NANOS3: variants seen among roughly 807,000 people sequenced by gnomAD.
The protein encoded by NANOS3 is nanos homolog 3.
Under a neutral mutation model 13.8 loss-of-function variants are expected in NANOS3, and 11 were observed. The ratio of observed to expected loss-of-function variants is 0.80; its 90% CI spans 0.50 to 1.32. The LOEUF (loss-of-function observed/expected upper bound fraction) is 1.32, where lower values mean the gene tolerates loss of function less well. Ranked by LOEUF, NANOS3 falls within the 40% of genes most tolerant of loss-of-function variation. NANOS3 has a pLI of 0.00. For missense variants in NANOS3, 221 were observed against 263.8 expected, an observed-to-expected ratio of 0.84 and a Z score of 1.12; for synonymous variants, 119 against 115.4, an observed-to-expected ratio of 1.03 and a Z score of -0.20.
At chr19:13,872,092 G>A (rs542745209) in intron 1 of NANOS3, among the ~76,000 whole-genome samples, 3 of 150,300 alleles carry the variant, frequency 2.0e-5, no homozygotes, top group Non-Finnish European at 3.0e-5. Context: ...CCACTGCTGG[G>A]TGCCGTGGTT....
At chr19:13,874,802 C>A (rs1340837236), upstream of NANOS3, 1 of 533,192 alleles carries the variant, frequency 1.9e-6, no homozygotes, top group African/African-American at 1.9e-5. Flanking sequence ...CCTGGAATTG[C>A]CATCCTCCTG....
chr19:13,869,776 A>ACG lies in NANOS3; in HGVS notation n.21+4340_21+4341insGC, dbSNP rs370648152. The stretch of plus-strand genomic sequence containing the variant: ...AGTACACACACACACACACGCACGC[A>ACG]CACACACACACACACGCACACACAT... On this transcript the variant is annotated intron_variant and non_coding_transcript_variant, in intron 1 of 2. Transcript: ENST00000591161. 2.0e-3 allele frequency among the ~76,000 whole-genome samples: 291 copies of ACG among 148,472 alleles called. 1 individual carries two copies. The highest frequency in any genetic ancestry group is 6.8e-3 in the African/African-American group (274 of 40,528).
At chr19:13,873,817 G>A (rs1017487210), upstream of NANOS3, among the ~76,000 whole-genome samples, 2 of 151,388 alleles carry the variant, frequency 1.3e-5, no homozygotes, top group African/African-American at 4.8e-5. Flanking sequence ...GGTCAGGGGC[G>A]AAGGCGCGCT....
chr19:13,864,918 C>T (rs1239307264), upstream of NANOS3, among the ~76,000 whole-genome samples: 1 of 152,106 alleles, frequency 6.6e-6, no homozygotes, highest in African/African-American at 2.4e-5. Flanking sequence ...CTCGCAGCCC[C>T]CTGCACACCG....
chr19:13,866,259 G>T (rs570825937), intron 1 of NANOS3, among the ~76,000 whole-genome samples: 20 of 152,164 alleles, frequency 1.3e-4, no homozygotes, highest in African/African-American at 4.8e-4. Context: ...GCCCTGGAGG[G>T]CAGGCTGGGG....
Position 13,877,487 on chromosome 19 carries a change from G to T in NANOS3, c.239G>T (p.Cys80Phe). The change falls in exon 1 of 2, where the codon TGC becomes TTC. Residue 80 changes from cysteine to phenylalanine, a missense_variant. Around this residue, in one of 3 missense-constraint regions of NANOS3, gnomAD observed 112 missense variants for 116.3 expected, o/e 0.96. Coordinates refer to ENST00000339133, the MANE Select transcript of NANOS3 (RefSeq NM_001098622.3). ...SPAPERLCSF[C>F]KHNGESRAIY... ...GCTCCCGAACGCCTGTGCTCTTTCT[G>T]CAAACACAACGGCGAGTCCCGGGCC... The T allele has an allele frequency of 6.2e-7, 1 of 1,611,540 alleles. No individual in the cohort carries two copies.
At chr19:13,873,840 G>C (rs1481300405), upstream of NANOS3, among the ~76,000 whole-genome samples, 1 of 150,652 alleles carries the variant, frequency 6.6e-6, no homozygotes. Context: ...CCCATCCCTG[G>C]TCGTCACTGC....
chr19:13,875,603 T>A (rs1599303699), upstream of NANOS3, among the ~76,000 whole-genome samples: 2 of 151,976 alleles, frequency 1.3e-5, no homozygotes, highest in East Asian at 3.9e-4. Flanking sequence ...AGTGCAATGG[T>A]GTGACCTTAG....
chr19:13,877,099 G>C, upstream of NANOS3: 1 of 709,484 alleles, frequency 1.4e-6, no homozygotes, highest in Non-Finnish European at 2.4e-6. Flanking sequence ...ACACCCCCTT[G>C]GAGGTAAAAG....
upstream of NANOS3, chr19:13,874,971 C>T (rs1968480358): frequency 3.8e-6 from 2 of 528,046 alleles, no homozygotes; most frequent in South Asian, 1.4e-5. Context: ...GGATGAATGT[C>T]ACTGTGGCTG....
At position 13,877,650 on chromosome 19, in the gene NANOS3, C is replaced by G; in HGVS notation, c.402C>G (p.Gly134=). The change falls in exon 1 of 2, where the codon GGC becomes GGG. Residue 134 remains glycine (G), a synonymous_variant. Coordinates refer to ENST00000339133, the MANE Select transcript of NANOS3 (RefSeq NM_001098622.3). Reference sequence around the variant, plus strand: ...GCTTCTGCCCACTTACTGGCCAGGGCTACACCTCCGTCTACAGCCACACCA... The same window carrying G: ...GCTTCTGCCCACTTACTGGCCAGGGGTACACCTCCGTCTACAGCCACACCA... ...TRRFCPLTGQ[G]YTSVYSHTTR... The G allele has an allele frequency of 6.2e-7, 1 of 1,612,186 alleles. No homozygotes were observed. Among genetic ancestry groups the G allele is most frequent in the Non-Finnish European group, 8.5e-7 (1 of 1,179,976 alleles).
At chr19:13,866,046 C>T (rs1599297073) in intron 1 of NANOS3, among the ~76,000 whole-genome samples, 1 of 152,044 alleles carries the variant, frequency 6.6e-6, no homozygotes, top group South Asian at 2.1e-4. Flanking sequence ...GCTGCAGCCG[C>T]GCCACCTCCG....
upstream of NANOS3, among the ~76,000 whole-genome samples, chr19:13,862,993 C>T (rs1244245626): frequency 6.6e-6 from 1 of 152,152 alleles, no homozygotes. Context: ...GAAGAAGGTT[C>T]GAAGATACAG....
intron 1 of NANOS3, among the ~76,000 whole-genome samples, chr19:13,870,087 G>A (rs1231036972): frequency 6.6e-6 from 1 of 151,098 alleles, no homozygotes; most frequent in East Asian, 1.9e-4. Context: ...TCTCACTCCT[G>A]TAGCCTGGGC....
At chr19:13,879,445 T>C (rs548616086) in intron 1 of NANOS3, among the ~76,000 whole-genome samples, 1 of 152,128 alleles carries the variant, frequency 6.6e-6, no homozygotes, top group African/African-American at 2.4e-5. Flanking sequence ...TTTCTTAAAG[T>C]CATGAAAGGG....
intron 1 of NANOS3, among the ~76,000 whole-genome samples, chr19:13,866,180 G>A (rs1402854422): frequency 1.3e-5 from 2 of 152,178 alleles, no homozygotes; most frequent in Admixed American, 6.5e-5. Flanking sequence ...CCATAAAAAG[G>A]GAAAATGGCC....
At chr19:13,872,360 AAGAG>A (rs1294694168), upstream of NANOS3, among the ~76,000 whole-genome samples, 8 of 141,108 alleles carry the variant, frequency 5.7e-5, no homozygotes, top group South Asian at 4.4e-4. Flanking sequence ...AAAAAAAAAA[AAGAG>A]AGAGAGAGAG....
chr19:13,868,261 G>A (rs367870162), intron 1 of NANOS3, among the ~76,000 whole-genome samples: 31 of 151,972 alleles, frequency 2.0e-4, no homozygotes, highest in African/African-American at 7.2e-4. Flanking sequence ...GTTTCACAAT[G>A]TTGTCCAGGC....
chr19:13,865,716 C>T lies in NANOS3; in HGVS notation n.21+279C>T, dbSNP rs1599296841. On this transcript the variant is annotated intron_variant and non_coding_transcript_variant, in intron 1 of 2. Transcript: ENST00000591161. ...GCAAAGGGGACAGACCCCCGAGTCC[C>T]GGAGCCGGGGCCGCCAGGGGGAGGG... 1.5e-5 allele frequency among the ~76,000 whole-genome samples: 2 copies of T among 137,500 alleles called. 1 individual carries two copies. The highest frequency in any genetic ancestry group is 5.1e-4 in the South Asian group (2 of 3,896). The allele number at this position is 137,500 out of a possible 152,430, so 90.2% of individuals were successfully genotyped here. A position where few individuals can be genotyped will look rare whatever the true frequency, so the allele number is the denominator to read the frequency against.
Sources: gnomAD v4.1 joint callset for allele counts (sites outside exome capture counted in the v4.1 genomes callset) on GRCh38, gnomAD v4.1.1 for gene constraint, gnomAD v4.1.1 regional missense constraint, MANE v1.5 for transcripts, NCBI Gene and HGNC (gene_info 2026-07-23, HGNC 2026-07-21) for gene names.